NOS3: variants seen among roughly 807,000 people sequenced by gnomAD.
NOS3 encodes the protein nitric oxide synthase 3, also known as NOS type III.
NOS3 carries 98 observed loss-of-function variants against 144.9 expected under a neutral mutation model. That is an observed-to-expected ratio of 0.68 (90% CI 0.57 to 0.80). The LOEUF (loss-of-function observed/expected upper bound fraction) is 0.80, where lower values mean the gene tolerates loss of function less well. Among genes scored for constraint, NOS3 ranks in the 30% least tolerant of loss-of-function variants. The probability of loss-of-function intolerance (pLI) is 0.00; values close to 1 mark genes in which losing one functional copy is unlikely to be tolerated. For synonymous variants in NOS3, 714 were observed against 702.4 expected (o/e 1.02, Z -0.26); for missense variants, 1,465 against 1,656.4 (o/e 0.88, Z 2.01).
rs914302346 is a variant in NOS3 at position 151,002,926 on chromosome 7, C to T, written c.1752+622C>T. ...TCCTTTTTCAAAAGAAGAAATTGAG[C>T]GCTGTTTAGATGCCAACATAGATTA... On this transcript the variant is annotated intron_variant, in intron 14 of 26. Transcript: ENST00000297494. This position sits in a 1 kb window ranked among gnomAD's most constrained non-coding sequence, Gnocchi z 4.1. The T allele has an allele frequency of 2.1e-5, 4 of 195,002 alleles. No homozygotes were observed. Among genetic ancestry groups the T allele is most frequent in the Admixed American group, 1.2e-4 (2 of 17,220 alleles). 12.1% of individuals were successfully genotyped at this position (195,002 alleles called of 1,614,324 possible). A position where few individuals can be genotyped will look rare whatever the true frequency, so the allele number is the denominator to read the frequency against.
chr7:150,999,118 G>A (rs770729999), intron 8 of NOS3, 33 bp downstream of exon 8: 20 of 1,612,416 alleles, frequency 1.2e-5, no homozygotes, highest in Non-Finnish European at 1.5e-5. Flanking sequence ...GGGTGGGATG[G>A]AGGGGGCCAT....
chr7:151,001,982 G>C lies in NOS3; in HGVS notation c.1647+17G>C. ...GATCCCCGGGTAGGGCTGAGCCCAG[G>C]GGAGCAGGGAGCTAGAAAGAGGGGG... On this transcript the variant is annotated intron_variant, in intron 13 of 26. Transcript: ENST00000297494. 6.2e-7 allele frequency: 1 copy of C among 1,612,356 alleles called. No individual in the cohort carries two copies. Among genetic ancestry groups the C allele is most frequent in the Non-Finnish European group, 8.5e-7 (1 of 1,179,424 alleles).
In NOS3 at chr7:151,003,432, A is replaced by G. The variant is rs1468862793; in HGVS notation, c.1752+1128A>G. 1 of 1,217,322 alleles carries G rather than the reference A, an allele frequency of 8.2e-7. No homozygotes were observed. Among genetic ancestry groups the G allele is most frequent in the Admixed American group, 2.9e-5 (1 of 34,630 alleles). The allele number at this position is 1,217,322 out of a possible 1,614,324, so 75.4% of individuals were successfully genotyped here. ...TGAGCCACTGCACCTGGCCCTCAGTATCTTAAGCAAGTTGGAATCTCGTGA... is the reference window on the plus strand; with the variant it reads ...TGAGCCACTGCACCTGGCCCTCAGTGTCTTAAGCAAGTTGGAATCTCGTGA... On this transcript the variant is annotated intron_variant, in intron 14 of 26. Coordinates refer to ENST00000297494, the MANE Select transcript of NOS3 (RefSeq NM_000603.5). The surrounding 1 kb of genome is among the most constrained non-coding windows in gnomAD (Gnocchi z 4.1).
At position 150,999,015 on chromosome 7, in the gene NOS3, C is replaced by A. The variant is rs756713322; in HGVS notation, c.886C>A (p.Pro296Thr). Residue 296 changes from proline (P) to threonine (T), a missense_variant, in exon 8 of 27, where the codon CCA becomes ACA. By Grantham distance (38) the Pro-to-Thr change is conservative. Transcript: ENST00000297494. ...FDVLPLLLQA[P>T]DDPPELFLLP... ...CGTGCTGCCCCTGCTGCTGCAGGCC[C>A]CAGATGATCCCCCAGAACTCTTCCT... 1.2e-6 allele frequency: 2 copies of A among 1,612,588 alleles called. No homozygotes were observed. The highest frequency in any genetic ancestry group is 2.2e-5 in the South Asian group (2 of 91,072).
chr7:151,000,625 A>T (rs1367898041), intron 10 of NOS3, 26 bp downstream of exon 10: 1 of 1,519,356 alleles, frequency 6.6e-7, no homozygotes, highest in East Asian at 2.3e-5. Context: ...CTGGCCAGGA[A>T]GGCAAAGGGT....
At position 151,013,317 on chromosome 7, in the gene NOS3, C is replaced by G; in HGVS notation, c.3193C>G (p.Gln1065Glu). 6.2e-7 allele frequency: 1 copy of G among 1,614,102 alleles called. No homozygotes were observed. The highest frequency in any genetic ancestry group is 8.5e-7 in the Non-Finnish European group (1 of 1,180,030). Residue 1065 changes from glutamine to glutamate, a missense_variant, in exon 25 of 27, where the codon CAG (glutamine) becomes GAG (glutamate). Physicochemically the swap from Gln to Glu is conservative, Grantham distance 29 (BLOSUM62 2). Coordinates refer to ENST00000297494, the MANE Select transcript of NOS3 (RefSeq NM_000603.5). ...HLYRDEVQNA[Q>E]QRGVFGRVLT... is the part of the protein sequence containing the mutation. ...CTACCGCGACGAGGTGCAGAACGCC[C>G]AGCAGCGCGGGGTGTTTGGCCGAGT...
chr7:151,011,891 C>A, intron 23 of NOS3: 1 of 405,332 alleles, frequency 2.5e-6, no homozygotes. Context: ...GCTCTCGCAG[C>A]CAGGAACCAA....
intron 9 of NOS3, among the ~76,000 whole-genome samples, chr7:150,999,819 G>T (rs1343710093): frequency 1.4e-5 from 2 of 144,200 alleles, no homozygotes; most frequent in Non-Finnish European, 3.0e-5. Flanking sequence ...GGCGAGTGTG[G>T]GTTTGTGGGG....
chr7:151,006,471 C>T lies in NOS3; in HGVS notation c.1797C>T (p.Ser599=). 6.2e-7 allele frequency: 1 copy of T among 1,613,884 alleles called. No individual in the cohort carries two copies. Among genetic ancestry groups the T allele is most frequent in the Non-Finnish European group, 8.5e-7 (1 of 1,179,940 alleles). Residue 599 remains serine, a synonymous_variant, in exon 15 of 27, where the codon AGC becomes AGT. Transcript: ENST00000297494. ...TGGAGATGTCCGGCCCCTACAACAG[C>T]TCCCCTCGGCCGGAACAGCACAAGT... ...ALMEMSGPYN[S]SPRPEQHKSY... is the part of the protein sequence containing the mutation.
chr7:150,999,824 G>A (rs1287236942), intron 9 of NOS3, among the ~76,000 whole-genome samples: 1 of 143,734 alleles, frequency 7.0e-6, no homozygotes, highest in Non-Finnish European at 1.5e-5. Flanking sequence ...GTGTGGGTTT[G>A]TGGGGTGTGT....
intron 24 of NOS3, 67 bp from the exon 25 acceptor site, chr7:151,013,164 C>T: frequency 6.5e-7 from 1 of 1,532,048 alleles, no homozygotes; most frequent in Non-Finnish European, 8.8e-7. Flanking sequence ...CGACGGTGGC[C>T]TGTGGGGAGG....
intron 18 of NOS3, 48 bp downstream of exon 18, chr7:151,009,110 C>T (rs1795250789): frequency 6.2e-7 from 1 of 1,613,076 alleles, no homozygotes; most frequent in Non-Finnish European, 8.5e-7. Context: ...GAGGCCCCCA[C>T]ACCCCGGGAC....
At position 151,013,797 on chromosome 7, in the gene NOS3, A is replaced by C; in HGVS notation, c.3329A>C (p.His1110Pro). The C allele has an allele frequency of 2.5e-6, 4 of 1,610,968 alleles. No homozygotes were observed. Among genetic ancestry groups the C allele is most frequent in the Non-Finnish European group, 2.5e-6 (3 of 1,179,122 alleles). ...CGCGTGCTGTGCCTCGAGCGGGGCCACATGTTTGTCTGCGGCGATGTTACC... is the reference window on the plus strand; with the variant it reads ...CGCGTGCTGTGCCTCGAGCGGGGCCCCATGTTTGTCTGCGGCGATGTTACC... Reference protein sequence around the residue: ...VHRVLCLERGHMFVCGDVTMA... With the variant: ...VHRVLCLERGPMFVCGDVTMA... The change falls in exon 26 of 27, where the codon CAC becomes CCC. Residue 1110 changes from histidine to proline, a missense_variant. Physicochemically the swap from His to Pro is moderately conservative, Grantham distance 77 (BLOSUM62 -2). Transcript: ENST00000297494.
rs1369383540 is a variant in NOS3 at position 151,010,670 on chromosome 7, C to T, written c.2759C>T (p.Ser920Leu). Reference protein sequence around the residue: ...TLLEVLEQFPSVALPAPLLLT... With the variant: ...TLLEVLEQFPLVALPAPLLLT... ...CTGGAGGTGCTGGAGCAGTTCCCGTCGGTGGCGCTGCCTGCCCCACTGCTC... is the reference window on the plus strand; with the variant it reads ...CTGGAGGTGCTGGAGCAGTTCCCGTTGGTGGCGCTGCCTGCCCCACTGCTC... The change falls in exon 22 of 27, where the codon TCG becomes TTG. Residue 920 changes from serine to leucine, a missense_variant. Ser to Leu is a moderately radical substitution (Grantham distance 145, BLOSUM62 -2). Transcript: ENST00000297494. 4.4e-6 allele frequency: 7 copies of T among 1,608,418 alleles called. No homozygotes were observed. In the African/African-American group the frequency reaches 8.0e-5, roughly 18 times the overall value.
rs374455840 is a variant in NOS3 at position 151,013,196 on chromosome 7, G to C, written c.3107-35G>C. Reference sequence around the variant, plus strand: ...GAGGCCCCACTAGCACTGTGCCCCGGAGAAGAGCCTTCCCAAGCGCGGGGT... The same window carrying C: ...GAGGCCCCACTAGCACTGTGCCCCGCAGAAGAGCCTTCCCAAGCGCGGGGT... On this transcript the variant is annotated intron_variant, in intron 24 of 26. Transcript: ENST00000297494. 3 of 1,595,688 alleles carry C rather than the reference G, an allele frequency of 1.9e-6. No individual in the cohort carries two copies. In the African/African-American group the frequency reaches 4.0e-5, roughly 21 times the overall value.
In NOS3 at chr7:151,001,761, T is replaced by G; in HGVS notation, c.1503-60T>G. On this transcript the variant is annotated intron_variant, in intron 12 of 26. Transcript: ENST00000297494. Reference sequence around the variant, plus strand: ...CCCTGTTGTGAGGGGGTTGGACCCTTGCCTGGGGAGGCCCTGCCTCTGTGC... The same window carrying G: ...CCCTGTTGTGAGGGGGTTGGACCCTGGCCTGGGGAGGCCCTGCCTCTGTGC... The G allele has an allele frequency of 2.5e-6, 4 of 1,608,092 alleles. No homozygotes were observed. The Admixed American group carries it at 5.0e-5, about 20-fold the overall frequency.
At chr7:151,013,483 C>T in intron 25 of NOS3, 104 bp downstream of exon 25, 1 of 1,406,862 alleles carries the variant, frequency 7.1e-7, no homozygotes, top group Non-Finnish European at 9.5e-7. Context: ...CGTGGCCTCC[C>T]ACGACCACTC....
At position 151,006,495 on chromosome 7, in the gene NOS3, G is replaced by A; in HGVS notation, c.1820+1G>A. 2 of 1,612,324 alleles carry A rather than the reference G, an allele frequency of 1.2e-6. No homozygotes were observed. The highest frequency in any genetic ancestry group is 2.2e-5 in the South Asian group (2 of 91,006). On this transcript the variant is annotated splice_donor_variant, in intron 15 of 26. Coordinates refer to ENST00000297494, the MANE Select transcript of NOS3 (RefSeq NM_000603.5). LOFTEE classifies it high-confidence loss of function. ...GCTCCCCTCGGCCGGAACAGCACAAGTGAGTTGGGTGAGAGTTTGGGGGAG... is the reference window on the plus strand; with the variant it reads ...GCTCCCCTCGGCCGGAACAGCACAAATGAGTTGGGTGAGAGTTTGGGGGAG...
Position 151,001,261 on chromosome 7 carries a change from G to T in NOS3, c.1264G>T (p.Ala422Ser). 1 of 1,613,564 alleles carries T rather than the reference G, an allele frequency of 6.2e-7. No individual in the cohort carries two copies. The highest frequency in any genetic ancestry group is 1.3e-5 in the African/African-American group (1 of 75,030). Residue 422 changes from alanine to serine, a missense_variant, in exon 11 of 27, where the codon GCC (alanine) becomes TCC (serine). Coordinates refer to ENST00000297494, the MANE Select transcript of NOS3 (RefSeq NM_000603.5). ...LAKVTIVDHH[A>S]ATASFMKHLE... is the part of the protein sequence containing the mutation. ...CAAAGTCACCATCGTGGACCACCAC[G>T]CCGCCACGGCCTCTTTCATGAAGCA...
Sources: allele counts gnomAD v4.1 joint callset (sites outside exome capture counted in the v4.1 genomes callset), GRCh38; gene constraint gnomAD v4.1.1; non-coding constraint Gnocchi (gnomAD v3.1); transcripts MANE v1.5; gene names NCBI Gene and HGNC (gene_info 2026-07-23, HGNC 2026-07-21).